Variants in TNRC6A observed in about 807,000 individuals in gnomAD.
TNRC6A encodes trinucleotide repeat-containing gene 6A protein.
A neutral mutation model predicts 221.2 loss-of-function variants in TNRC6A; 44 were observed. That is an observed-to-expected ratio of 0.20 (90% CI 0.16 to 0.26). The LOEUF is 0.26. TNRC6A is among the 10% of genes least tolerant of loss of function. TNRC6A has a pLI of 1.00. For missense variants in TNRC6A, 2,199 were observed against 2,404.4 expected (o/e 0.91, Z 1.79); for synonymous variants, 847 against 838.5 (o/e 1.01, Z -0.18).
chr16:24,734,284 T>G (rs2056712870), intron 2 of TNRC6A, among the ~76,000 whole-genome samples: 1 of 152,100 alleles, frequency 6.6e-6, no homozygotes, highest in Non-Finnish European at 1.5e-5. Flanking sequence ...CAAAAATACA[T>G]AGGAATCTTC....
At chr16:24,694,766 T>C (rs1353299736) in intron 2 of TNRC6A, among the ~76,000 whole-genome samples, 6 of 150,806 alleles carry the variant, frequency 4.0e-5, no homozygotes, top group Non-Finnish European at 8.9e-5. Context: ...AGACCCCATC[T>C]CTACAAAAAT....
chr16:24,684,392 C>T (rs770325821), intron 2 of TNRC6A, among the ~76,000 whole-genome samples: 16 of 152,020 alleles, frequency 1.1e-4, no homozygotes, highest in Non-Finnish European at 1.5e-4. Context: ...GGCAACAGAG[C>T]GAGGCCCTGT....
chr16:24,777,062 A>AGCAGCAACAGCAGCAGCC lies in TNRC6A; in HGVS notation c.300_317dup (p.Gln103_Gln108dup). ...GCCAACAATCAGCAGCCACAGCAGC[A>AGCAGCAACAGCAGCAGCC]GCAGCAACAGCAGCAGCCGCAGCAG... On this transcript the variant is annotated inframe_insertion, in exon 5 of 25. Transcript: ENST00000395799. The AGCAGCAACAGCAGCAGCC allele has an allele frequency of 6.2e-7, 1 of 1,607,696 alleles. No homozygotes were observed. Among genetic ancestry groups the AGCAGCAACAGCAGCAGCC allele is most frequent in the South Asian group, 1.1e-5 (1 of 90,916 alleles).
chr16:24,793,491 G>C lies in TNRC6A; in HGVS notation c.3194G>C (p.Gly1065Ala). Residue 1065 changes from glycine to alanine, a missense_variant, in exon 7 of 25, where the codon GGG (glycine) becomes GCG (alanine). Around this residue, in one of 8 missense-constraint regions of TNRC6A, gnomAD observed 1,405 missense variants for 1,400.2 expected, o/e 1.00. Coordinates refer to ENST00000395799, the MANE Select transcript of TNRC6A (RefSeq NM_014494.4). ...TCTAAAGGCTGGGGTGAGCCCTGGG[G>C]GGAGCCTTCTACTCCAGCCACAACT... ...SSGSGWGEPW[G>A]EPSTPATTVD... 1.3e-6 allele frequency: 2 copies of C among 1,499,004 alleles called. No homozygotes were observed. The highest frequency in any genetic ancestry group is 1.8e-4 in the Middle Eastern group (1 of 5,704). The allele number at this position is 1,499,004 out of a possible 1,614,324, so 92.9% of individuals were successfully genotyped here.
At chr16:24,702,816 A>G (rs995334963) in intron 2 of TNRC6A, among the ~76,000 whole-genome samples, 3 of 151,920 alleles carry the variant, frequency 2.0e-5, no homozygotes, top group African/African-American at 7.2e-5. Flanking sequence ...CAGGCAGATC[A>G]TGAGGTCAGG....
At chr16:24,613,902 G>A (rs1439193510) in intron 1 of TNRC6A, among the ~76,000 whole-genome samples, 1 of 152,082 alleles carries the variant, frequency 6.6e-6, no homozygotes. Flanking sequence ...GAACACAAGA[G>A]GTATATCAGT....
intron 4 of TNRC6A, among the ~76,000 whole-genome samples, chr16:24,768,147 C>T (rs2057512870): frequency 6.6e-6 from 1 of 151,956 alleles, no homozygotes; most frequent in East Asian, 1.9e-4. Flanking sequence ...AAAAGTGTGC[C>T]TGGGCCGGGC....
intron 2 of TNRC6A, among the ~76,000 whole-genome samples, chr16:24,672,544 C>A (rs1326998518): frequency 2.0e-5 from 3 of 152,022 alleles, no homozygotes; most frequent in Admixed American, 2.0e-4. Context: ...TGGGCTCAGG[C>A]GATTTTCCCA....
intron 4 of TNRC6A, among the ~76,000 whole-genome samples, chr16:24,775,725 G>A (rs1004049346): frequency 1.3e-5 from 2 of 152,216 alleles, no homozygotes; most frequent in African/African-American, 4.8e-5. Context: ...AGACACAGAG[G>A]TAACTCAGAT....
At position 24,810,207 on chromosome 16, in the gene TNRC6A, T is replaced by C. The variant is rs376467758; in HGVS notation, c.4672+726T>C. ...GTCATATGGATTTAACAGTATTGTC[T>C]TTTCAGCAATTAAATTTTTTTTAGA... On this transcript the variant is annotated intron_variant, in intron 18 of 24. Coordinates refer to ENST00000395799, the MANE Select transcript of TNRC6A (RefSeq NM_014494.4). Among the ~76,000 whole-genome samples the C allele has an allele frequency of 7.2e-5, 11 of 152,358 alleles. No individual in the cohort carries two copies. In the East Asian group the frequency reaches 2.1e-3, roughly 29 times the overall value.
rs1902579304 is a variant in TNRC6A, at chr16:24,650,474, G to A, written n.402+9465G>A. ...GAGGACAGGAGTTTGAGACCAGCCT[G>A]GCCAACATGGCAAAACCTTGTCTCT... On this transcript the variant is annotated intron_variant and non_coding_transcript_variant, in intron 2 of 2. Coordinates refer to the TNRC6A transcript ENST00000566108. Among the ~76,000 whole-genome samples, 2 of 152,094 alleles carry A rather than the reference G, an allele frequency of 1.3e-5. 1 individual carries two copies. The highest frequency in any genetic ancestry group is 4.2e-4 in the South Asian group (2 of 4,818).
chr16:24,813,883 T>C (rs1267460451), intron 18 of TNRC6A, among the ~76,000 whole-genome samples: 2 of 152,226 alleles, frequency 1.3e-5, no homozygotes, highest in Non-Finnish European at 2.9e-5. Flanking sequence ...AAAAAATATA[T>C]AATTACGTTT....
chr16:24,748,448 G>C (rs1387180098), intron 2 of TNRC6A, among the ~76,000 whole-genome samples: 1 of 152,098 alleles, frequency 6.6e-6, no homozygotes, highest in Non-Finnish European at 1.5e-5. Context: ...TCAAAAGAGA[G>C]TGAGTCATGG....
Position 24,823,327 on chromosome 16 carries a change from C to T in TNRC6A, c.5514-105C>T. On this transcript the variant is annotated intron_variant, in intron 24 of 24. Transcript: ENST00000395799. The surrounding 1 kb of genome is among the most constrained non-coding windows in gnomAD (Gnocchi z 4.3). ...TGTGGTGTAGTCTCTCCCTCTGTGC[C>T]TTCTGTGGCTTTTCTAGCAGAGACA... is the stretch of plus-strand genomic sequence containing the variant. 3 of 1,405,178 alleles carry T rather than the reference C, an allele frequency of 2.1e-6. No homozygotes were observed. Among genetic ancestry groups the T allele is most frequent in the Non-Finnish European group, 2.9e-6 (3 of 1,037,826 alleles). 87.0% of individuals were successfully genotyped at this position (1,405,178 alleles called of 1,614,324 possible).
At chr16:24,722,835 G>C (rs1407642073) in intron 2 of TNRC6A, among the ~76,000 whole-genome samples, 1 of 152,156 alleles carries the variant, frequency 6.6e-6, no homozygotes, top group Non-Finnish European at 1.5e-5. Flanking sequence ...GTATGGCAGT[G>C]GAGAAACACA....
chr16:24,637,970 AG>A (rs1901726009), intron 1 of TNRC6A, among the ~76,000 whole-genome samples: 1 of 151,966 alleles, frequency 6.6e-6, no homozygotes, highest in African/African-American at 2.4e-5. Flanking sequence ...TTTTTAGTAG[AG>A]ACAGGGCTTT....
At chr16:24,627,712 T>G (rs1302711366) in intron 1 of TNRC6A, among the ~76,000 whole-genome samples, 1 of 146,134 alleles carries the variant, frequency 6.8e-6, no homozygotes, top group Non-Finnish European at 1.5e-5. Context: ...TTTTTTTTTT[T>G]TTTTTTTGAC....
At chr16:24,644,081 AT>A (rs748251760) in intron 2 of TNRC6A, among the ~76,000 whole-genome samples, 54 of 81,562 alleles carry the variant, frequency 6.6e-4, no homozygotes, top group South Asian at 2.8e-3. Flanking sequence ...CTTATCTTTA[AT>A]TTTTTTTTTT....
intron 1 of TNRC6A, among the ~76,000 whole-genome samples, chr16:24,617,942 C>T (rs142304710): frequency 0.024 from 3,697 of 152,160 alleles, 129 homozygotes; most frequent in African/African-American, 0.082. Context: ...ACTCTATCGC[C>T]CAGGCTGGAA....
Sources: gnomAD v4.1 joint callset for allele counts (sites outside exome capture counted in the v4.1 genomes callset) on GRCh38, gnomAD v4.1.1 for gene constraint, gnomAD v4.1.1 regional missense constraint, Gnocchi (gnomAD v3.1) non-coding constraint, MANE v1.5 for transcripts, NCBI Gene and HGNC (gene_info 2026-07-23, HGNC 2026-07-21) for gene names.